The following ARK2C variants were observed in gnomAD, a reference collection of about 807,000 sequenced individuals.
ARK2C encodes E3 ubiquitin-protein ligase ARK2C.
the ARK2C span, among the ~76,000 whole-genome samples, chr18:46,364,964 C>T: frequency 1.3e-5 from 2 of 152,164 alleles, no homozygotes; most frequent in African/African-American, 4.8e-5. Flanking sequence ...CTGGGTCTCT[C>T]CTACACTCTC....
the ARK2C span, chr18:46,458,599 A>C: frequency 6.6e-6 from 1 of 152,518 alleles, no homozygotes; most frequent in Non-Finnish European, 1.5e-5. Flanking sequence ...ACAGGCGGGC[A>C]GATTTTGGCT....
the ARK2C span, among the ~76,000 whole-genome samples, chr18:46,377,114 CTCCAA>C: frequency 2.0e-5 from 3 of 152,178 alleles, no homozygotes; most frequent in Non-Finnish European, 4.4e-5. Context: ...TGTGTCAGAA[CTCCAA>C]TCAGCACATG....
the ARK2C span, among the ~76,000 whole-genome samples, chr18:46,448,399 G>A: frequency 1.2e-3 from 184 of 152,306 alleles, no homozygotes; most frequent in African/African-American, 3.7e-3. Flanking sequence ...CTGGAAGCTG[G>A]TTCTGCTGAG....
the ARK2C span, among the ~76,000 whole-genome samples, chr18:46,372,955 C>A: frequency 6.6e-6 from 1 of 152,356 alleles, no homozygotes; most frequent in South Asian, 2.1e-4. Flanking sequence ...CCACCATCAT[C>A]AGCCTCACTC....
the ARK2C span, chr18:46,450,394 C>T: frequency 6.2e-7 from 1 of 1,608,158 alleles, no homozygotes; most frequent in Non-Finnish European, 8.5e-7. Flanking sequence ...TACGGGAGAG[C>T]TATGAGGTAT....
chr18:46,375,723 C>A, the ARK2C span, among the ~76,000 whole-genome samples: 1 of 151,940 alleles, frequency 6.6e-6, no homozygotes, highest in African/African-American at 2.4e-5. Context: ...AAGGTGAGAC[C>A]CCATGACAGG....
the ARK2C span, among the ~76,000 whole-genome samples, chr18:46,383,646 C>T: frequency 6.6e-6 from 1 of 151,222 alleles, no homozygotes; most frequent in Admixed American, 6.6e-5. Flanking sequence ...GCTCTGCCTC[C>T]AGGGTTCATG....
the ARK2C span, among the ~76,000 whole-genome samples, chr18:46,364,209 A>G: frequency 6.6e-6 from 1 of 151,726 alleles, no homozygotes. Context: ...CAGCCTCCCA[A>G]AGTGCTGGGA....
At chr18:46,349,324 T>G in the ARK2C span, among the ~76,000 whole-genome samples, 1 of 152,106 alleles carries the variant, frequency 6.6e-6, no homozygotes, top group Non-Finnish European at 1.5e-5. Flanking sequence ...TAGATGGCTG[T>G]TTTTTTGCTG....
chr18:46,390,726 C>T, the ARK2C span, among the ~76,000 whole-genome samples: 8 of 152,090 alleles, frequency 5.3e-5, no homozygotes, highest in Non-Finnish European at 7.4e-5. Flanking sequence ...TGTGGGAAGG[C>T]GGTGGCTCGG....
At chr18:46,377,630 A>G in the ARK2C span, among the ~76,000 whole-genome samples, 2 of 152,204 alleles carry the variant, frequency 1.3e-5, no homozygotes, top group Admixed American at 6.5e-5. Context: ...GGAGAGGCAC[A>G]TATGAAGGCT....
At chr18:46,403,723 T>C in the ARK2C span, among the ~76,000 whole-genome samples, 1 of 151,972 alleles carries the variant, frequency 6.6e-6, no homozygotes, top group Non-Finnish European at 1.5e-5. Context: ...ACTAAAAATA[T>C]AAGAATTAGC....
chr18:46,431,225 C>A, the ARK2C span, among the ~76,000 whole-genome samples: 29 of 152,170 alleles, frequency 1.9e-4, no homozygotes, highest in Non-Finnish European at 2.9e-5. Context: ...ACATGATTCT[C>A]TGAGTTCATT....
the ARK2C span, among the ~76,000 whole-genome samples, chr18:46,364,569 C>A: frequency 6.6e-6 from 1 of 152,176 alleles, no homozygotes; most frequent in Non-Finnish European, 1.5e-5. Context: ...AAAGCCTTCA[C>A]ACCTACTGCC....
At chr18:46,349,655 G>T in the ARK2C span, among the ~76,000 whole-genome samples, 1 of 152,186 alleles carries the variant, frequency 6.6e-6, no homozygotes, top group African/African-American at 2.4e-5. Context: ...GCCACTGGGG[G>T]TGCTTGCCTT....
the ARK2C span, among the ~76,000 whole-genome samples, chr18:46,451,366 GGA>G: frequency 6.6e-6 from 1 of 151,914 alleles, no homozygotes; most frequent in East Asian, 1.9e-4. Context: ...TTAGAGCCCA[GGA>G]AACTGAGTTT....
At chr18:46,409,047 G>T in the ARK2C span, among the ~76,000 whole-genome samples, 2 of 152,198 alleles carry the variant, frequency 1.3e-5, no homozygotes, top group Non-Finnish European at 2.9e-5. Flanking sequence ...AATAACGGTA[G>T]CTACACCATG....
chr18:46,453,909 T>G, the ARK2C span, among the ~76,000 whole-genome samples: 1 of 151,412 alleles, frequency 6.6e-6, no homozygotes, highest in East Asian at 1.9e-4. Flanking sequence ...GCCCAGGAGT[T>G]TGAGACCAGC....
the ARK2C span, among the ~76,000 whole-genome samples, chr18:46,338,925 G>A: frequency 2.0e-5 from 3 of 152,146 alleles, no homozygotes; most frequent in Admixed American, 6.5e-5. Context: ...TGACCACAGC[G>A]CTTCCTTGCC....
Sources: gnomAD v4.1 joint callset for allele counts (sites outside exome capture counted in the v4.1 genomes callset) on GRCh38, gnomAD v4.1.1 for gene constraint, MANE v1.5 for transcripts, NCBI Gene and HGNC (gene_info 2026-07-23, HGNC 2026-07-21) for gene names.